Variants in TAFA2 observed in about 807,000 individuals in gnomAD.
The protein encoded by TAFA2 is TAFA chemokine like family member 2.
A neutral mutation model predicts 18.8 loss-of-function variants in TAFA2; 7 were observed. That is an observed-to-expected ratio of 0.37 (90% CI 0.21 to 0.70). The LOEUF (loss-of-function observed/expected upper bound fraction) is 0.70. Ranked by LOEUF, TAFA2 falls within the 30% of genes least tolerant of loss-of-function variation. The pLI is 0.53. For missense variants in TAFA2, 122 were observed against 158.1 expected (o/e 0.77, Z 1.23); for synonymous variants, 60 against 54.2 (o/e 1.11, Z -0.47).
Position 61,789,526 on chromosome 12 carries a change from C to T in TAFA2, c.107-34502G>A, listed in dbSNP as rs1294498684. On this transcript the variant is annotated intron_variant, in intron 2 of 4. Coordinates refer to ENST00000416284, the MANE Select transcript of TAFA2 (RefSeq NM_178539.5). ...CAGACACAGGGAGGGGAACATCACA[C>T]ACTGGGGCCTGTCAGGAGGCTGGGG... Among the ~76,000 whole-genome samples, 3 of 151,854 alleles carry T rather than the reference C, an allele frequency of 2.0e-5. No homozygotes were observed. In the East Asian group the frequency reaches 5.8e-4, roughly 30 times the overall value.
At chr12:61,749,332 A>G (rs1373925254) in intron 4 of TAFA2, among the ~76,000 whole-genome samples, 1 of 152,026 alleles carries the variant, frequency 6.6e-6, no homozygotes, top group Non-Finnish European at 1.5e-5. Flanking sequence ...TCCTCCATTC[A>G]ATGGCATACT....
At chr12:61,859,390 G>A (rs1375181923) in intron 2 of TAFA2, among the ~76,000 whole-genome samples, 1 of 152,168 alleles carries the variant, frequency 6.6e-6, no homozygotes, top group Non-Finnish European at 1.5e-5. Flanking sequence ...GGTAATGTTT[G>A]GGTGGGGACA....
chr12:61,877,559 C>T (rs942266169), intron 1 of TAFA2, among the ~76,000 whole-genome samples: 1 of 152,076 alleles, frequency 6.6e-6, no homozygotes, highest in African/African-American at 2.4e-5. Context: ...GAGGAAAGCC[C>T]TACATTATGG....
intron 1 of TAFA2, among the ~76,000 whole-genome samples, chr12:61,905,469 C>T (rs1433347031): frequency 6.6e-6 from 1 of 151,960 alleles, no homozygotes; most frequent in African/African-American, 2.4e-5. Flanking sequence ...ATTAGCTTAC[C>T]CCCTCAGAAG....
intron 1 of TAFA2, among the ~76,000 whole-genome samples, chr12:62,100,138 T>TAC (rs373455310): frequency 0.12 from 17,693 of 145,628 alleles, 1,266 homozygotes; most frequent in African/African-American, 0.21. Context: ...CAACTCCCTC[T>TAC]ACACACACAC....
chr12:62,162,898 G>A (rs2062415264), intron 1 of TAFA2, among the ~76,000 whole-genome samples: 1 of 151,908 alleles, frequency 6.6e-6, no homozygotes, highest in African/African-American at 2.4e-5. Flanking sequence ...AGAGTTCATG[G>A]AAGAAATGGT....
At chr12:61,711,897 T>G (rs557857755) in intron 4 of TAFA2, among the ~76,000 whole-genome samples, 1 of 152,070 alleles carries the variant, frequency 6.6e-6, no homozygotes, top group Non-Finnish European at 1.5e-5. Context: ...AGGCATAGCA[T>G]TGATCTCATT....
chr12:62,027,032 A>G (rs543709414), intron 1 of TAFA2, among the ~76,000 whole-genome samples: 1 of 152,126 alleles, frequency 6.6e-6, no homozygotes, highest in Non-Finnish European at 1.5e-5. Flanking sequence ...TGGGTCACAG[A>G]ATGGCATATA....
chr12:61,812,514 G>C (rs545198126), intron 2 of TAFA2, among the ~76,000 whole-genome samples: 18 of 151,050 alleles, frequency 1.2e-4, no homozygotes, highest in African/African-American at 4.2e-4. Context: ...GACAACCTAA[G>C]ACCCCCAAAC....
At chr12:61,990,879 A>G (rs906458039) in intron 1 of TAFA2, among the ~76,000 whole-genome samples, 1 of 152,214 alleles carries the variant, frequency 6.6e-6, no homozygotes, top group South Asian at 2.1e-4. Flanking sequence ...ATTATGCACA[A>G]TGAGAAAAGT....
Position 61,768,026 on chromosome 12 carries a change from G to T in TAFA2, c.107-13002C>A, listed in dbSNP as rs550830718. Among the ~76,000 whole-genome samples, 7 of 152,196 alleles carry T rather than the reference G, an allele frequency of 4.6e-5. No homozygotes were observed. In the South Asian group the frequency reaches 1.2e-3, roughly 27 times the overall value. On this transcript the variant is annotated intron_variant, in intron 2 of 4. Coordinates refer to ENST00000416284, the MANE Select transcript of TAFA2 (RefSeq NM_178539.5). ...CACTTGTCAGCAAGTCAAGAAACCT[G>T]TGCTTTCATTTGTATTTCACTACTA...
chr12:62,197,008 G>A (rs1014887349), upstream of TAFA2, among the ~76,000 whole-genome samples: 14 of 152,188 alleles, frequency 9.2e-5, no homozygotes, highest in African/African-American at 2.2e-4. Context: ...GAGCATTACC[G>A]CCTGAGCTCC....
intron 2 of TAFA2, among the ~76,000 whole-genome samples, chr12:61,808,437 C>A (rs1462364074): frequency 1.3e-4 from 19 of 151,416 alleles, no homozygotes; most frequent in Admixed American, 1.2e-3. Context: ...TGGACTAATA[C>A]AGTACATAAT....
intron 1 of TAFA2, among the ~76,000 whole-genome samples, chr12:62,166,438 A>G (rs2062440481): frequency 6.6e-6 from 1 of 152,162 alleles, no homozygotes; most frequent in African/African-American, 2.4e-5. Context: ...AAAATACAAG[A>G]GCTCATTTTT....
intron 1 of TAFA2, among the ~76,000 whole-genome samples, chr12:62,218,361 T>G (rs2062745689): frequency 6.6e-6 from 1 of 151,722 alleles, no homozygotes; most frequent in African/African-American, 2.4e-5. Context: ...AGGAAAAGAG[T>G]CTCTCCTACC....
chr12:61,879,847 CAAG>C (rs1875040336), intron 1 of TAFA2: 11 of 1,125,454 alleles, frequency 9.8e-6, no homozygotes, highest in Admixed American at 1.7e-5. Context: ...TGGAGGACTT[CAAG>C]AAGAAGTACC....
chr12:62,078,380 C>A (rs1024043882), intron 1 of TAFA2, among the ~76,000 whole-genome samples: 1 of 146,828 alleles, frequency 6.8e-6, no homozygotes, highest in Non-Finnish European at 1.5e-5. Flanking sequence ...CCCATAAGAA[C>A]TATGCACACG....
Position 62,245,309 on chromosome 12 carries a change from T to G in TAFA2, c.-130+13454A>C, listed in dbSNP as rs954186873. Among the ~76,000 whole-genome samples, 134 of 152,204 alleles carry G rather than the reference T, an allele frequency of 8.8e-4. 2 individuals carry two copies. The highest frequency in any genetic ancestry group is 3.0e-3 in the African/African-American group (125 of 41,558). ...TTTCCTCTATATGCATTTATCTAAT[T>G]GCAAGCTCTCAATTTCTTCCCTTTG... On this transcript the variant is annotated intron_variant, in intron 1 of 5. Transcript: ENST00000551619.
At chr12:62,033,975 T>A (rs1565723113) in intron 1 of TAFA2, among the ~76,000 whole-genome samples, 1 of 152,194 alleles carries the variant, frequency 6.6e-6, no homozygotes, top group Non-Finnish European at 1.5e-5. Context: ...AATGGCTGAA[T>A]CTTGGCAATT....
Sources: gnomAD v4.1 joint callset for allele counts (sites outside exome capture counted in the v4.1 genomes callset) on GRCh38, gnomAD v4.1.1 for gene constraint, MANE v1.5 for transcripts, NCBI Gene and HGNC (gene_info 2026-07-23, HGNC 2026-07-21) for gene names.